The following SLC9A9 variants were observed in gnomAD, a reference collection of about 807,000 sequenced individuals.
SLC9A9 encodes the protein sodium/hydrogen exchanger 9.
A neutral mutation model predicts 77.8 loss-of-function variants in SLC9A9; 62 were observed. That is an observed-to-expected ratio of 0.80 (90% confidence interval 0.65 to 0.98). SLC9A9 has a LOEUF of 0.98. Among genes scored for constraint, SLC9A9 ranks in the 50% least tolerant of loss-of-function variants. The probability of loss-of-function intolerance (pLI) is 0.00; values close to 1 mark genes in which losing one functional copy is unlikely to be tolerated. For missense variants in SLC9A9, 775 were observed against 774.9 expected, an observed-to-expected ratio of 1.00 and a Z score of 0.00; for synonymous variants, 320 against 283.5, an observed-to-expected ratio of 1.13 and a Z score of -1.29.
intron 9 of SLC9A9, among the ~76,000 whole-genome samples, chr3:143,496,321 T>C (rs2035832920): frequency 6.6e-6 from 1 of 152,250 alleles, no homozygotes; most frequent in African/African-American, 2.4e-5. Context: ...CTTTATTTTA[T>C]GTTCCAGACT....
intron 12 of SLC9A9, among the ~76,000 whole-genome samples, chr3:143,425,413 A>T (rs1016685116): frequency 6.6e-6 from 1 of 152,108 alleles, no homozygotes; most frequent in Non-Finnish European, 1.5e-5. Flanking sequence ...ATGGTTTATT[A>T]TAAAGAATTA....
chr3:143,453,086 A>G (rs1488104483), intron 12 of SLC9A9, among the ~76,000 whole-genome samples: 3 of 152,094 alleles, frequency 2.0e-5, no homozygotes, highest in Non-Finnish European at 4.4e-5. Context: ...TTAAGGGCAT[A>G]TCGATATTTA....
At chr3:143,762,005 G>A (rs1386115416) in intron 4 of SLC9A9, among the ~76,000 whole-genome samples, 2 of 152,192 alleles carry the variant, frequency 1.3e-5, no homozygotes, top group African/African-American at 4.8e-5. Flanking sequence ...GGAATACTAT[G>A]CAGCCATAAA....
intron 2 of SLC9A9, among the ~76,000 whole-genome samples, chr3:143,813,998 A>G (rs1374779509): frequency 6.6e-6 from 1 of 152,228 alleles, no homozygotes; most frequent in East Asian, 1.9e-4. Context: ...AATGGAAAGA[A>G]AGAAACAAGA....
chr3:143,322,025 A>G (rs780948258), intron 14 of SLC9A9, among the ~76,000 whole-genome samples: 33 of 152,366 alleles, frequency 2.2e-4, no homozygotes, highest in Non-Finnish European at 3.5e-4. Flanking sequence ...GGCCCTTCCA[A>G]TGACTTCTCA....
intron 6 of SLC9A9, among the ~76,000 whole-genome samples, chr3:143,636,136 A>G (rs2038516588): frequency 6.6e-6 from 1 of 152,238 alleles, no homozygotes; most frequent in South Asian, 2.1e-4. Flanking sequence ...ATCCTGTCTC[A>G]TAGCAGCTCT....
intron 1 of SLC9A9, among the ~76,000 whole-genome samples, chr3:143,834,089 G>A (rs186826819): frequency 6.4e-4 from 98 of 152,326 alleles, no homozygotes; most frequent in Non-Finnish European, 1.0e-3. Context: ...ACTAATCAGA[G>A]TGAGGATGAG....
intron 9 of SLC9A9, among the ~76,000 whole-genome samples, chr3:143,508,339 T>C (rs1185532788): frequency 1.3e-5 from 2 of 152,342 alleles, no homozygotes; most frequent in East Asian, 3.9e-4. Context: ...TACGTAGGAT[T>C]GAGAACATTA....
intron 9 of SLC9A9, among the ~76,000 whole-genome samples, chr3:143,524,490 T>G (rs908996234): frequency 2.0e-5 from 3 of 152,152 alleles, no homozygotes; most frequent in Non-Finnish European, 4.4e-5. Context: ...GTGACTACAT[T>G]TTCTTTTTTA....
At chr3:143,435,709 G>C (rs2034610586) in intron 12 of SLC9A9, among the ~76,000 whole-genome samples, 1 of 152,080 alleles carries the variant, frequency 6.6e-6, no homozygotes, top group Admixed American at 6.5e-5. Context: ...ATGTATGCTG[G>C]GGTGGGTTTC....
intron 6 of SLC9A9, among the ~76,000 whole-genome samples, chr3:143,598,781 G>T (rs1288646751): frequency 6.6e-6 from 1 of 152,200 alleles, no homozygotes; most frequent in Non-Finnish European, 1.5e-5. Context: ...CGTGCTGCCT[G>T]CTGCTGCCCT....
At chr3:143,502,471 GT>G (rs2035938043) in intron 9 of SLC9A9, among the ~76,000 whole-genome samples, 1 of 141,444 alleles carries the variant, frequency 7.1e-6, no homozygotes. Flanking sequence ...TTACTAGAAA[GT>G]AAAAAAAAAG....
intron 9 of SLC9A9, among the ~76,000 whole-genome samples, chr3:143,512,649 G>A (rs1470165920): frequency 5.3e-5 from 8 of 152,312 alleles, no homozygotes; most frequent in East Asian, 1.9e-4. Flanking sequence ...ATGCCAAGGC[G>A]GGTGGATCAC....
In SLC9A9 at chr3:143,373,977, C is replaced by T. The variant is rs1000780967; in HGVS notation, c.1524+8083G>A. On this transcript the variant is annotated intron_variant, in intron 13 of 15. Transcript: ENST00000316549. ...AGAGTTCCAAGAAATTCAGTGAACCCAAATTAGGATAAATTCTAAGAAAAC... is the reference window on the plus strand; with the variant it reads ...AGAGTTCCAAGAAATTCAGTGAACCTAAATTAGGATAAATTCTAAGAAAAC... Among the ~76,000 whole-genome samples, 3 of 151,928 alleles carry T rather than the reference C, an allele frequency of 2.0e-5. No homozygotes were observed. In the South Asian group the frequency reaches 6.2e-4, roughly 31 times the overall value.
rs572833560 is a variant in SLC9A9 at position 143,578,592 on chromosome 3, G to A, written c.887C>T (p.Thr296Ile). ...FAMGSAYAII[T>I]ALLTKFTKLC... ...CATACAGACAAAGGATATCAGTGCT[G>A]TGATGATGGCATACGCAGACCCCAT... Residue 296 changes from threonine to isoleucine, a missense_variant, in exon 7 of 16, where the codon ACA becomes ATA. Coordinates refer to ENST00000316549, the MANE Select transcript of SLC9A9 (RefSeq NM_173653.4). 6.2e-7 allele frequency: 1 copy of A among 1,613,968 alleles called. No individual in the cohort carries two copies. Among genetic ancestry groups the A allele is most frequent in the African/African-American group, 1.3e-5 (1 of 75,038 alleles).
intron 12 of SLC9A9, among the ~76,000 whole-genome samples, chr3:143,397,620 A>C (rs1450131941): frequency 6.6e-6 from 1 of 152,176 alleles, no homozygotes; most frequent in Non-Finnish European, 1.5e-5. Context: ...TCAGTGTCCC[A>C]AGCTACGAGG....
At position 143,266,924 on chromosome 3, in the gene SLC9A9, C is replaced by G; in HGVS notation, c.1716G>C (p.Gln572His). ...LLTSPQAYGEQLKEDDVECIV... is the reference protein window; with the variant it reads ...LLTSPQAYGEHLKEDDVECIV... ...TGCATTCCACATCATCCTCTTTTAG[C>G]TGTTCCTGGTTGGGAAAAGAGAGAG... The change falls in exon 16 of 16, where the codon CAG (glutamine) becomes CAC (histidine). Residue 572 changes from glutamine to histidine, a missense_variant. Transcript: ENST00000316549. 1.2e-6 allele frequency: 2 copies of G among 1,613,908 alleles called. No individual in the cohort carries two copies. The highest frequency in any genetic ancestry group is 1.7e-6 in the Non-Finnish European group (2 of 1,179,866).
chr3:143,420,976 T>A (rs1000257637), intron 12 of SLC9A9, among the ~76,000 whole-genome samples: 1 of 152,082 alleles, frequency 6.6e-6, no homozygotes, highest in African/African-American at 2.4e-5. Flanking sequence ...ATCAATACAT[T>A]TCTATACACC....
intron 6 of SLC9A9, among the ~76,000 whole-genome samples, chr3:143,611,165 T>A (rs1437795659): frequency 2.0e-5 from 3 of 151,960 alleles, no homozygotes; most frequent in Non-Finnish European, 4.4e-5. Flanking sequence ...GAAATGAAAA[T>A]TTCAAAATTG....
Sources: gnomAD v4.1 joint callset for allele counts (sites outside exome capture counted in the v4.1 genomes callset) on GRCh38, gnomAD v4.1.1 for gene constraint, MANE v1.5 for transcripts, NCBI Gene and HGNC (gene_info 2026-07-23, HGNC 2026-07-21) for gene names.